CDH23: variants seen among roughly 807,000 people sequenced by gnomAD.
The protein encoded by CDH23 is cadherin related 23.
In CDH23, 189 loss-of-function variants were observed where a neutral mutation model predicts 317.1. That is an observed-to-expected ratio of 0.60 (90% CI 0.53 to 0.67). The LOEUF (loss-of-function observed/expected upper bound fraction) is 0.67. CDH23 is among the 30% of genes least tolerant of loss of function. The pLI is 0.00. For missense variants in CDH23, 4,401 were observed against 4,592.4 expected, an observed-to-expected ratio of 0.96 and a Z score of 1.20; for synonymous variants, 1,839 against 1,876.8, an observed-to-expected ratio of 0.98 and a Z score of 0.52.
At chr10:71,466,217 G>A (rs1851247150) in intron 3 of CDH23, among the ~76,000 whole-genome samples, 2 of 152,198 alleles carry the variant, frequency 1.3e-5, no homozygotes, top group South Asian at 4.1e-4. Context: ...GTATGAGCAT[G>A]TGAAGTGTGT....
chr10:71,460,855 C>G (rs537559660), intron 3 of CDH23, among the ~76,000 whole-genome samples: 1 of 152,292 alleles, frequency 6.6e-6, no homozygotes, highest in South Asian at 2.1e-4. Context: ...CTTGGACAGT[C>G]CAGGAAGAGC....
At chr10:71,680,263 G>A (rs933517482) in intron 17 of CDH23, among the ~76,000 whole-genome samples, 2 of 152,206 alleles carry the variant, frequency 1.3e-5, no homozygotes, top group Non-Finnish European at 2.9e-5. Flanking sequence ...TGGCTGTCCA[G>A]TGTGTAGCCC....
At chr10:71,403,707 G>A (rs2131898388) in intron 1 of CDH23, among the ~76,000 whole-genome samples, 1 of 151,468 alleles carries the variant, frequency 6.6e-6, no homozygotes, top group African/African-American at 2.4e-5. Context: ...AGTAGAAACG[G>A]GGTTTCACCA....
chr10:71,760,264 T>C (rs1377130807), intron 38 of CDH23, among the ~76,000 whole-genome samples: 34 of 114,024 alleles, frequency 3.0e-4, no homozygotes, highest in African/African-American at 7.8e-4. Flanking sequence ...TATATATGTA[T>C]ATACATATAT....
At position 71,578,062 on chromosome 10, in the gene CDH23, C is replaced by A. The variant is rs140354985; in HGVS notation, c.832+70C>A. Reference sequence around the variant, plus strand: ...CCACCCAAGGAGAGCCAGTAGGCATCTCAGGCTCTGAGGGCTAAGGAGAGG... The same window carrying A: ...CCACCCAAGGAGAGCCAGTAGGCATATCAGGCTCTGAGGGCTAAGGAGAGG... On this transcript the variant is annotated intron_variant, in intron 9 of 69. Coordinates refer to ENST00000224721, the MANE Select transcript of CDH23 (RefSeq NM_022124.6). 66 of 1,444,288 alleles carry A rather than the reference C, an allele frequency of 4.6e-5. 1 individual carries two copies. The East Asian group carries it at 1.6e-3, about 35-fold the overall frequency. 89.5% of individuals were successfully genotyped at this position (1,444,288 alleles called of 1,614,324 possible).
intron 1 of CDH23, among the ~76,000 whole-genome samples, chr10:71,414,464 T>C (rs1248498363): frequency 6.6e-6 from 1 of 152,272 alleles, no homozygotes; most frequent in Non-Finnish European, 1.5e-5. Flanking sequence ...ATTACACTGG[T>C]TGATTTTCAA....
chr10:71,505,432 C>A (rs1168821766), intron 3 of CDH23, among the ~76,000 whole-genome samples: 1 of 152,192 alleles, frequency 6.6e-6, no homozygotes, highest in East Asian at 1.9e-4. Context: ...TTAGCTCTAA[C>A]CATGGTAGAC....
Position 71,806,253 on chromosome 10 carries a change from A to G in CDH23, c.8150A>G (p.Asp2717Gly). 6.4e-7 allele frequency: 1 copy of G among 1,568,838 alleles called. No individual in the cohort carries two copies. The highest frequency in any genetic ancestry group is 1.2e-5 in the South Asian group (1 of 85,264). The change falls in exon 57 of 70, where the codon GAC (aspartate) becomes GGC (glycine). Residue 2717 changes from aspartate to glycine, a missense_variant. Asp to Gly is a moderately conservative substitution (Grantham distance 94). Coordinates refer to ENST00000224721, the MANE Select transcript of CDH23 (RefSeq NM_022124.6). ...CAGGTGGCCCTGGAGGACATCGATGACAACGAACCCCTTTTCGTGAGGCCT... is the reference window on the plus strand; with the variant it reads ...CAGGTGGCCCTGGAGGACATCGATGGCAACGAACCCCTTTTCGTGAGGCCT... Reference protein sequence around the residue: ...PLQVALEDIDDNEPLFVRPPK... With the variant: ...PLQVALEDIDGNEPLFVRPPK...
chr10:71,640,180 T>G (rs1862469998), intron 11 of CDH23, among the ~76,000 whole-genome samples: 1 of 152,196 alleles, frequency 6.6e-6, no homozygotes, highest in Non-Finnish European at 1.5e-5. Flanking sequence ...TACACTGAGC[T>G]CACACCATCT....
At chr10:71,758,869 GTGATTTTTT>G (rs1430300687) in intron 38 of CDH23, among the ~76,000 whole-genome samples, 1 of 152,076 alleles carries the variant, frequency 6.6e-6, no homozygotes, top group African/African-American at 2.4e-5. Flanking sequence ...TCTACCAAAA[GTGATTTTTT>G]TGATTTTTTG....
chr10:71,442,777 CGGCCACCT>C (rs975177585), intron 2 of CDH23, among the ~76,000 whole-genome samples: 6 of 152,160 alleles, frequency 3.9e-5, no homozygotes, highest in Non-Finnish European at 8.8e-5. Context: ...TCTGACCATG[CGGCCACCT>C]GGCTTCCCCA....
At position 71,813,365 on chromosome 10, in the gene CDH23, C is replaced by A; in HGVS notation, c.9738+17C>A. On this transcript the variant is annotated intron_variant, in intron 69 of 69. Transcript: ENST00000224721. ...ATCTCTGAGGTAGCCGGCTGGGTGG[C>A]TGGGAGCTGTGTGCTGTGCCCCAGC... 1 of 1,546,558 alleles carries A rather than the reference C, an allele frequency of 6.5e-7. No homozygotes were observed.
chr10:71,441,513 G>GT (rs902241961), intron 2 of CDH23, among the ~76,000 whole-genome samples: 6 of 152,256 alleles, frequency 3.9e-5, no homozygotes, highest in African/African-American at 1.4e-4. Context: ...GTGGTCAGGA[G>GT]TTCAAGACCA....
rs1554837506 is a variant in CDH23 at position 71,550,579 on chromosome 10, A to AAAAG, written c.430-16160_430-16159insGAAA. Among the ~76,000 whole-genome samples, 32 of 121,204 alleles carry AAAAG rather than the reference A, an allele frequency of 2.6e-4. 1 individual carries two copies. The highest frequency in any genetic ancestry group is 4.9e-4 in the African/African-American group (16 of 32,712). The allele number at this position is 121,204 out of a possible 152,430, so 79.5% of individuals were successfully genotyped here. A position where few individuals can be genotyped will look rare whatever the true frequency, so the allele number is the denominator to read the frequency against. ...TGTCTCAAAAAAAAAAAAAAAAAAGAAAAAAGAAAAAGAAAGAAAGAAAGA... is the reference window on the plus strand; with the variant it reads ...TGTCTCAAAAAAAAAAAAAAAAAAGAAAAGAAAAAGAAAAAGAAAGAAAGAAAGA... On this transcript the variant is annotated intron_variant, in intron 6 of 69. Transcript: ENST00000224721.
In CDH23 at chr10:71,815,366, G is replaced by A. The variant is rs1842101341; in HGVS notation, c.*88G>A. 4 of 1,306,954 alleles carry A rather than the reference G, an allele frequency of 3.1e-6. No homozygotes were observed. Among genetic ancestry groups the A allele is most frequent in the African/African-American group, 1.5e-5 (1 of 66,886 alleles). The allele number at this position is 1,306,954 out of a possible 1,614,324, so 81.0% of individuals were successfully genotyped here. On this transcript the variant is annotated 3_prime_UTR_variant, in exon 70 of 70. Transcript: ENST00000224721. The stretch of plus-strand genomic sequence containing the variant: ...GGGCAGGGACAGGGCCGGTCGGGGG[G>A]GACCCTCCAAGGCCAGGCCTTGGGG...
rs747718312 is a variant in CDH23 at position 71,793,656 on chromosome 10, CCCCTCCCACCT to C, written c.6712+25_6712+35del. On this transcript the variant is annotated intron_variant, in intron 48 of 69. Transcript: ENST00000224721. Reference sequence around the variant, plus strand: ...ATCAACACAGGTACAAGGGCCTGCACCCCTCCCACCTCCCTCCCAGCTCCCAGTCCTGTCTC... The same window carrying C: ...ATCAACACAGGTACAAGGGCCTGCACCCCTCCCAGCTCCCAGTCCTGTCTC... The C allele has an allele frequency of 2.0e-6, 3 of 1,525,150 alleles. No homozygotes were observed. The highest frequency in any genetic ancestry group is 2.7e-5 in the African/African-American group (2 of 72,848). The allele number at this position is 1,525,150 out of a possible 1,614,324, so 94.5% of individuals were successfully genotyped here.
At chr10:71,592,133 G>T (rs973843520) in intron 9 of CDH23, among the ~76,000 whole-genome samples, 6 of 152,134 alleles carry the variant, frequency 3.9e-5, no homozygotes, top group Non-Finnish European at 8.8e-5. Flanking sequence ...AGTGTGGATT[G>T]TTCCTTTCAG....
intron 3 of CDH23, among the ~76,000 whole-genome samples, chr10:71,493,670 T>C (rs1852790926): frequency 6.6e-6 from 1 of 152,210 alleles, no homozygotes. Flanking sequence ...GTTACTGTAA[T>C]AAAGGCTCTG....
intron 8 of CDH23, among the ~76,000 whole-genome samples, chr10:71,577,575 G>A (rs1191579036): frequency 6.6e-6 from 1 of 152,182 alleles, no homozygotes; most frequent in Non-Finnish European, 1.5e-5. Flanking sequence ...ACACAGCAAC[G>A]TGATGGGTGG....
Sources: allele counts gnomAD v4.1 joint callset (sites outside exome capture counted in the v4.1 genomes callset), GRCh38; gene constraint gnomAD v4.1.1; transcripts MANE v1.5; gene names NCBI Gene and HGNC (gene_info 2026-07-23, HGNC 2026-07-21).